The following TCF25 variants were observed in gnomAD, a reference collection of about 807,000 sequenced individuals.
The protein encoded by TCF25 is TCF25 ribosome quality control complex subunit.
A neutral mutation model predicts 83.1 loss-of-function variants in TCF25; 41 were observed. That is an observed-to-expected ratio of 0.49 (90% CI 0.38 to 0.64). The LOEUF (loss-of-function observed/expected upper bound fraction) is 0.64. Ranked by LOEUF, TCF25 falls within the 30% of genes least tolerant of loss-of-function variation. The pLI is 0.00. For synonymous variants in TCF25, 458 were observed against 365.0 expected (o/e 1.25, Z -2.90); for missense variants, 979 against 914.5 (o/e 1.07, Z -0.91).
At chr16:89,894,362 C>T (rs563027577) in intron 7 of TCF25, among the ~76,000 whole-genome samples, 11 of 150,634 alleles carry the variant, frequency 7.3e-5, no homozygotes, top group East Asian at 2.0e-4. Flanking sequence ...CTTGCAGCCC[C>T]GGACGGCCCC....
chr16:89,906,412 A>G (rs1005064723), intron 15 of TCF25, 128 bp downstream of exon 15: 12 of 855,686 alleles, frequency 1.4e-5, no homozygotes, highest in Non-Finnish European at 2.1e-5. Flanking sequence ...CCGCCACGGC[A>G]GGGGCAGGGT....
chr16:89,882,797 G>A (rs35285305), intron 1 of TCF25, among the ~76,000 whole-genome samples: 11,594 of 152,244 alleles, frequency 0.076, 659 homozygotes, highest in East Asian at 0.26. Context: ...ATGTTGGCCA[G>A]GCTGGTCTTG....
At chr16:89,880,085 G>A (rs370278466) in intron 1 of TCF25, among the ~76,000 whole-genome samples, 2 of 151,946 alleles carry the variant, frequency 1.3e-5, no homozygotes, top group Non-Finnish European at 1.5e-5. Context: ...TGTTGTCCAT[G>A]TACACAGACA....
Position 89,898,637 on chromosome 16 carries a change from A to G in TCF25, c.1103A>G (p.Lys368Arg), listed in dbSNP as rs762757550. Reference sequence around the variant, plus strand: ...CCGCGCACGGCGCTGGAGTACTGCAAGCTCATCCTGAGGTGAGTGTCTGCT... The same window carrying G: ...CCGCGCACGGCGCTGGAGTACTGCAGGCTCATCCTGAGGTGAGTGTCTGCT... ...GCPRTALEYC[K>R]LILSLEPDED... is the part of the protein sequence containing the mutation. Residue 368 changes from lysine (K) to arginine (R), a missense_variant, in exon 10 of 18, where the codon AAG becomes AGG. Transcript: ENST00000263346. 1.1e-5 allele frequency: 17 copies of G among 1,612,940 alleles called. No individual in the cohort carries two copies. The South Asian group carries it at 1.2e-4, about 11-fold the overall frequency.
chr16:89,903,833 A>G (rs562495017), intron 12 of TCF25, among the ~76,000 whole-genome samples: 2 of 152,050 alleles, frequency 1.3e-5, no homozygotes, highest in Admixed American at 1.3e-4. Context: ...ACCCAACCCC[A>G]TGTGTGTGGA....
rs147870313 is a variant in TCF25, at chr16:89,880,829, A to G, written c.193-2522A>G. 3.3e-3 allele frequency among the ~76,000 whole-genome samples: 498 copies of G among 152,336 alleles called. 1 individual carries two copies. Among genetic ancestry groups the G allele is most frequent in the Non-Finnish European group, 5.4e-3 (367 of 68,024 alleles). ...ATTTACCAGTGACCACCCACAGGTT[A>G]GAAACATTTCAACAATAGGCTTTGT... On this transcript the variant is annotated intron_variant, in intron 1 of 17. Coordinates refer to ENST00000263346, the MANE Select transcript of TCF25 (RefSeq NM_014972.3).
intron 12 of TCF25, chr16:89,901,114 CAGGGGAAGG>C: frequency 4.0e-6 from 1 of 248,110 alleles, no homozygotes; most frequent in Admixed American, 4.7e-5. Context: ...GAGAGCAAAG[CAGGGGAAGG>C]TCTCGGCAGC....
chr16:89,893,239 A>G (rs7196840), intron 6 of TCF25, among the ~76,000 whole-genome samples: 26,320 of 152,184 alleles, frequency 0.17, 3,081 homozygotes, highest in African/African-American at 0.32. Context: ...CAGTCAGACA[A>G]GAGGAGCCAA....
chr16:89,886,448 A>G (rs534615769), intron 4 of TCF25, among the ~76,000 whole-genome samples: 1 of 148,072 alleles, frequency 6.8e-6, no homozygotes, highest in East Asian at 2.0e-4. Flanking sequence ...TAATAATAAT[A>G]ATATGAGTTT....
chr16:89,911,214 T>G lies in TCF25; in HGVS notation c.2007T>G (p.Ala669=), dbSNP rs3207731. ...TGGAGGCGCCGCACGAGGACGACGCTGAGGGGGAGGGGGAGTGGGACTGAG... is the reference window on the plus strand; with the variant it reads ...TGGAGGCGCCGCACGAGGACGACGCGGAGGGGGAGGGGGAGTGGGACTGAG... ...NDLEAPHEDD[A]EGEGEWD The change falls in exon 18 of 18, where the codon GCT becomes GCG. Residue 669 remains alanine, a synonymous_variant. Transcript: ENST00000263346. 1 of 1,612,180 alleles carries G rather than the reference T, an allele frequency of 6.2e-7. No homozygotes were observed. Among genetic ancestry groups the G allele is most frequent in the Non-Finnish European group, 8.5e-7 (1 of 1,179,900 alleles).
rs776211302 is a variant in TCF25, at chr16:89,900,677, G to T, written c.1264G>T (p.Val422Phe). ...LSQLPNFAFS[V>F]PLAYFLLSQQ... The stretch of plus-strand genomic sequence containing the variant: ...CCAGCTCCCTAATTTTGCCTTCTCT[G>T]TTCCACTGGCGTATTTCCTGCTGAG... The change falls in exon 12 of 18, where the codon GTT becomes TTT. Residue 422 changes from valine (V) to phenylalanine (F), a missense_variant. Coordinates refer to ENST00000263346, the MANE Select transcript of TCF25 (RefSeq NM_014972.3). 1 of 1,603,126 alleles carries T rather than the reference G, an allele frequency of 6.2e-7. No homozygotes were observed. Among genetic ancestry groups the T allele is most frequent in the East Asian group, 2.2e-5 (1 of 44,520 alleles).
chr16:89,892,161 G>T (rs757048488), intron 5 of TCF25, 32 bp from the exon 6 acceptor site: 4 of 1,571,580 alleles, frequency 2.5e-6, no homozygotes, highest in East Asian at 4.6e-5. Context: ...GCCACAGGAA[G>T]TAAAGCTGTA....
intron 1 of TCF25, among the ~76,000 whole-genome samples, chr16:89,877,630 G>T (rs2042295551): frequency 6.6e-6 from 1 of 152,142 alleles, no homozygotes; most frequent in Non-Finnish European, 1.5e-5. Context: ...GTCGAAGGAA[G>T]AAACTAATCA....
chr16:89,894,581 T>A (rs2043699939), intron 7 of TCF25, among the ~76,000 whole-genome samples: 1 of 152,206 alleles, frequency 6.6e-6, no homozygotes. Context: ...CTTTAAGTCA[T>A]ATAATTGGTT....
rs145651044 is a variant in TCF25 at position 89,881,189 on chromosome 16, G to A, written c.193-2162G>A. On this transcript the variant is annotated intron_variant, in intron 1 of 17. Coordinates refer to ENST00000263346, the MANE Select transcript of TCF25 (RefSeq NM_014972.3). ...CCGACTGACCGGCAAGCACAGACCT[G>A]CCCTGTGCTTTCTTCTCTTCAGCAA... Among the ~76,000 whole-genome samples the A allele has an allele frequency of 1.8e-3, 269 of 152,298 alleles. 1 individual carries two copies. Among genetic ancestry groups the A allele is most frequent in the African/African-American group, 5.7e-3 (238 of 41,566 alleles).
chr16:89,905,124 C>G, intron 14 of TCF25, 28 bp downstream of exon 14: 1 of 1,543,196 alleles, frequency 6.5e-7, no homozygotes, highest in Non-Finnish European at 8.7e-7. Flanking sequence ...ACAAGCCCTG[C>G]CACGCCCCCT....
chr16:89,876,524 A>G (rs2042203000), intron 1 of TCF25, among the ~76,000 whole-genome samples: 2 of 152,168 alleles, frequency 1.3e-5, no homozygotes, highest in Admixed American at 6.5e-5. Flanking sequence ...TTGGCCTCCC[A>G]AAGTGCTGGA....
At chr16:89,894,164 T>C (rs2043643214) in intron 7 of TCF25, among the ~76,000 whole-genome samples, 1 of 152,166 alleles carries the variant, frequency 6.6e-6, no homozygotes, top group African/African-American at 2.4e-5. Flanking sequence ...TTCTCACTGC[T>C]GCCCTTGCCT....
At chr16:89,881,634 G>C (rs1286340904) in intron 1 of TCF25, among the ~76,000 whole-genome samples, 1 of 151,908 alleles carries the variant, frequency 6.6e-6, no homozygotes, top group African/African-American at 2.4e-5. Flanking sequence ...TTGTAGAGAT[G>C]GGGTCTCACT....
Sources: allele counts gnomAD v4.1 joint callset (sites outside exome capture counted in the v4.1 genomes callset), GRCh38; gene constraint gnomAD v4.1.1; transcripts MANE v1.5; gene names NCBI Gene and HGNC (gene_info 2026-07-23, HGNC 2026-07-21).